NKAIN2: variants seen among roughly 807,000 people sequenced by gnomAD.
The protein encoded by NKAIN2 is sodium/potassium-transporting ATPase subunit beta-1-interacting protein 2.
NKAIN2 carries 14 observed loss-of-function variants against 32.6 expected under a neutral mutation model. The ratio of observed to expected loss-of-function variants is 0.43; its 90% CI spans 0.28 to 0.67. NKAIN2 has a LOEUF of 0.67. Among genes scored for constraint, NKAIN2 ranks in the 30% least tolerant of loss-of-function variants. The pLI is 0.17. For missense variants in NKAIN2, 198 were observed against 258.3 expected, an observed-to-expected ratio of 0.77 and a Z score of 1.60; for synonymous variants, 80 against 87.2, an observed-to-expected ratio of 0.92 and a Z score of 0.46.
chr6:124,616,660 T>G (rs1474186766), intron 3 of NKAIN2, among the ~76,000 whole-genome samples: 8 of 151,654 alleles, frequency 5.3e-5, no homozygotes, highest in Non-Finnish European at 1.2e-4. Context: ...GAGACGGGGT[T>G]TCACCCTGTT....
chr6:124,090,270 G>A (rs1784358488), intron 1 of NKAIN2, among the ~76,000 whole-genome samples: 1 of 151,964 alleles, frequency 6.6e-6, no homozygotes, highest in Admixed American at 6.6e-5. Context: ...TTTAACTGAA[G>A]TCAAAGTTTT....
chr6:124,496,965 G>A (rs1403120155), intron 3 of NKAIN2, among the ~76,000 whole-genome samples: 1 of 152,044 alleles, frequency 6.6e-6, no homozygotes, highest in Non-Finnish European at 1.5e-5. Context: ...TGGACCTGCG[G>A]TTCTACTCTG....
At chr6:124,628,832 A>G (rs1783454398) in intron 3 of NKAIN2, among the ~76,000 whole-genome samples, 1 of 152,082 alleles carries the variant, frequency 6.6e-6, no homozygotes, top group Non-Finnish European at 1.5e-5. Flanking sequence ...TCTTTTTATA[A>G]GGAATAGCAA....
At chr6:124,011,423 G>A (rs1269871731) in intron 1 of NKAIN2, among the ~76,000 whole-genome samples, 5 of 150,036 alleles carry the variant, frequency 3.3e-5, no homozygotes, top group Admixed American at 2.0e-4. Flanking sequence ...AGCCTGAGAC[G>A]CATTTCCAAC....
intron 1 of NKAIN2, among the ~76,000 whole-genome samples, chr6:123,863,332 A>T (rs1049266665): frequency 3.3e-5 from 5 of 152,214 alleles, no homozygotes; most frequent in Non-Finnish European, 7.3e-5. Flanking sequence ...ACAATTAATA[A>T]CTTAATCTGG....
chr6:124,509,974 C>T (rs891989396), intron 3 of NKAIN2, among the ~76,000 whole-genome samples: 5 of 152,126 alleles, frequency 3.3e-5, no homozygotes, highest in African/African-American at 1.2e-4. Flanking sequence ...TATCTAACTG[C>T]TTACATATAC....
At chr6:124,328,605 A>G (rs1259479239) in intron 2 of NKAIN2, among the ~76,000 whole-genome samples, 7 of 152,220 alleles carry the variant, frequency 4.6e-5, no homozygotes, top group Non-Finnish European at 7.3e-5. Context: ...AAAATATTGT[A>G]AAAGCAAAGC....
At chr6:123,991,308 T>C (rs1212380986) in intron 1 of NKAIN2, among the ~76,000 whole-genome samples, 2 of 152,148 alleles carry the variant, frequency 1.3e-5, no homozygotes, top group African/African-American at 4.8e-5. Flanking sequence ...TAGAGCTGGT[T>C]CTGCTGATGA....
chr6:124,127,835 G>GT (rs998490586), intron 1 of NKAIN2, among the ~76,000 whole-genome samples: 75 of 148,552 alleles, frequency 5.0e-4, no homozygotes, highest in Admixed American at 2.5e-3. Context: ...TGCTATTCCC[G>GT]TTTTTTTTTT....
intron 4 of NKAIN2, among the ~76,000 whole-genome samples, chr6:124,760,851 A>G (rs965731509): frequency 6.6e-6 from 1 of 152,168 alleles, no homozygotes; most frequent in Non-Finnish European, 1.5e-5. Context: ...TATGTGTCCA[A>G]TCCAATGAAG....
At chr6:123,878,278 T>G (rs1026983510) in intron 1 of NKAIN2, among the ~76,000 whole-genome samples, 1 of 152,210 alleles carries the variant, frequency 6.6e-6, no homozygotes, top group Non-Finnish European at 1.5e-5. Flanking sequence ...CATAATATTT[T>G]CTGAGGTAAT....
intron 1 of NKAIN2, among the ~76,000 whole-genome samples, chr6:124,198,524 G>A (rs1790433570): frequency 6.6e-6 from 1 of 151,764 alleles, no homozygotes; most frequent in African/African-American, 2.4e-5. Context: ...AGCTTTGAGT[G>A]GGTATAGGAT....
At chr6:124,413,921 C>A (rs951519094) in intron 3 of NKAIN2, among the ~76,000 whole-genome samples, 1 of 152,046 alleles carries the variant, frequency 6.6e-6, no homozygotes, top group African/African-American at 2.4e-5. Context: ...GATCCAGAAG[C>A]ACTTTTTGTA....
chr6:124,420,039 C>T (rs1339174937), intron 3 of NKAIN2, among the ~76,000 whole-genome samples: 4 of 151,940 alleles, frequency 2.6e-5, no homozygotes, highest in Non-Finnish European at 5.9e-5. Flanking sequence ...AAAAAATATA[C>T]TGTTAAGTTA....
chr6:123,997,954 A>G (rs889479487), intron 1 of NKAIN2, among the ~76,000 whole-genome samples: 4 of 152,034 alleles, frequency 2.6e-5, no homozygotes, highest in African/African-American at 9.7e-5. Context: ...GTCTTCAGGT[A>G]TTTTCAAATA....
At chr6:124,727,877 C>T (rs1161623791) in intron 4 of NKAIN2, among the ~76,000 whole-genome samples, 291 of 145,656 alleles carry the variant, frequency 2.0e-3, no homozygotes, top group Middle Eastern at 3.5e-3. Flanking sequence ...ACCAAGCAAA[C>T]GGAAAACAAA....
intron 4 of NKAIN2, chr6:124,658,745 T>C (rs1157823219): frequency 2.5e-6 from 1 of 396,638 alleles, no homozygotes; most frequent in African/African-American, 2.1e-5. Flanking sequence ...AAGATTTCCA[T>C]AAGTGTTTTC....
chr6:124,541,186 T>C (rs987534206), intron 3 of NKAIN2, among the ~76,000 whole-genome samples: 3 of 152,184 alleles, frequency 2.0e-5, no homozygotes, highest in Admixed American at 2.0e-4. Context: ...ACTGTTATTA[T>C]TGATCATTTA....
intron 1 of NKAIN2, among the ~76,000 whole-genome samples, chr6:124,234,810 G>A (rs968716191): frequency 7.9e-5 from 12 of 152,102 alleles, no homozygotes; most frequent in South Asian, 2.1e-4. Context: ...CAAAAAAGTT[G>A]TATCGATACT....
Sources: allele counts gnomAD v4.1 joint callset (sites outside exome capture counted in the v4.1 genomes callset), GRCh38; gene constraint gnomAD v4.1.1; transcripts MANE v1.5; gene names NCBI Gene and HGNC (gene_info 2026-07-23, HGNC 2026-07-21).